DLG2: variants seen among roughly 807,000 people sequenced by gnomAD.
DLG2 encodes disks large homolog 2.
A neutral mutation model predicts 132.5 loss-of-function variants in DLG2; 45 were observed. That is an observed-to-expected ratio of 0.34 (90% confidence interval 0.27 to 0.44). The LOEUF (loss-of-function observed/expected upper bound fraction) is 0.44. Among genes scored for constraint, DLG2 ranks in the 20% least tolerant of loss-of-function variants. DLG2 has a pLI of 1.00. For synonymous variants in DLG2, 424 were observed against 419.6 expected, an observed-to-expected ratio of 1.01 and a Z score of -0.13; for missense variants, 1,045 against 1,196.9, an observed-to-expected ratio of 0.87 and a Z score of 1.87.
chr11:85,315,213 A>C (rs1439131848), intron 3 of DLG2, among the ~76,000 whole-genome samples: 1 of 152,010 alleles, frequency 6.6e-6, no homozygotes, highest in Non-Finnish European at 1.5e-5. Flanking sequence ...CAGCTTCCCC[A>C]TGTGCTTTTT....
At chr11:83,466,602 G>A in intron 26 of DLG2, 106 bp downstream of exon 26, 1 of 600,310 alleles carries the variant, frequency 1.7e-6, no homozygotes, top group Non-Finnish European at 3.0e-6. Flanking sequence ...ATCAACAATG[G>A]CATTTCCCAT....
intron 6 of DLG2, among the ~76,000 whole-genome samples, chr11:84,751,450 G>A (rs1054823702): frequency 6.6e-6 from 1 of 152,050 alleles, no homozygotes; most frequent in African/African-American, 2.4e-5. Flanking sequence ...ATTTAGGAGT[G>A]CAAAGGCCAG....
chr11:85,269,598 T>C lies in DLG2; in HGVS notation c.186+15622A>G, dbSNP rs568232747. Among the ~76,000 whole-genome samples the C allele has an allele frequency of 1.1e-4, 16 of 152,320 alleles. 2 individuals carry two copies. The South Asian group carries it at 3.3e-3, about 32-fold the overall frequency. Reference sequence around the variant, plus strand: ...GGTTCTTGAGAGAATAATGAGACTGTATATGTAAGAAGCTTGGCATACTGT... The same window carrying C: ...GGTTCTTGAGAGAATAATGAGACTGCATATGTAAGAAGCTTGGCATACTGT... On this transcript the variant is annotated intron_variant, in intron 4 of 27. Coordinates refer to ENST00000376104, the MANE Select transcript of DLG2 (RefSeq NM_001142699.3).
intron 3 of DLG2, among the ~76,000 whole-genome samples, chr11:85,375,070 T>C (rs1014457660): frequency 6.6e-5 from 10 of 152,094 alleles, no homozygotes; most frequent in Admixed American, 3.9e-4. Context: ...TCTTTTTTTT[T>C]CCCTTTGTTC....
At chr11:84,558,764 T>C (rs2099417103) in intron 6 of DLG2, among the ~76,000 whole-genome samples, 1 of 152,196 alleles carries the variant, frequency 6.6e-6, no homozygotes, top group Non-Finnish European at 1.5e-5. Flanking sequence ...TGTGTATAAC[T>C]CATAGTTCAC....
At chr11:84,353,044 A>G (rs2098589373) in intron 7 of DLG2, among the ~76,000 whole-genome samples, 1 of 152,138 alleles carries the variant, frequency 6.6e-6, no homozygotes, top group East Asian at 1.9e-4. Context: ...GTGTTCAAAT[A>G]TCTGTTCCAC....
chr11:85,104,140 A>T (rs1474126946), intron 6 of DLG2, among the ~76,000 whole-genome samples: 1 of 151,952 alleles, frequency 6.6e-6, no homozygotes, highest in East Asian at 1.9e-4. Context: ...ATGTTATGGG[A>T]AACAGTTTGA....
chr11:83,728,944 TTTTC>T (rs1461952325), intron 18 of DLG2, among the ~76,000 whole-genome samples: 5 of 152,208 alleles, frequency 3.3e-5, no homozygotes, highest in Non-Finnish European at 7.3e-5. Context: ...CCTGTTTTAT[TTTTC>T]TTTCTTTTTT....
chr11:84,731,367 C>G (rs1045686949), intron 6 of DLG2, among the ~76,000 whole-genome samples: 1 of 151,868 alleles, frequency 6.6e-6, no homozygotes, highest in African/African-American at 2.4e-5. Flanking sequence ...AGATTACAAA[C>G]CAATGGAGAA....
intron 4 of DLG2, among the ~76,000 whole-genome samples, chr11:85,215,534 T>C (rs190512295): frequency 1.5e-4 from 23 of 152,272 alleles, no homozygotes; most frequent in African/African-American, 4.8e-4. Flanking sequence ...CCTCACCTTT[T>C]CTACAAGGAA....
intron 9 of DLG2, among the ~76,000 whole-genome samples, chr11:84,158,318 C>T (rs920605542): frequency 6.6e-6 from 1 of 152,164 alleles, no homozygotes; most frequent in Non-Finnish European, 1.5e-5. Flanking sequence ...CCAGCTTGGC[C>T]TCCCAAAGGG....
At chr11:85,018,767 T>G (rs966891173) in intron 6 of DLG2, among the ~76,000 whole-genome samples, 4 of 151,880 alleles carry the variant, frequency 2.6e-5, no homozygotes, top group Admixed American at 6.6e-5. Context: ...ATGAAAAATT[T>G]TATTCCATAG....
intron 12 of DLG2, among the ~76,000 whole-genome samples, chr11:83,975,755 GAC>G (rs2092113184): frequency 6.6e-6 from 1 of 151,920 alleles, no homozygotes; most frequent in African/African-American, 2.4e-5. Flanking sequence ...GAAGTGGAAA[GAC>G]ATAGCTCTTT....
chr11:84,098,791 C>T (rs2092114892), intron 10 of DLG2, 132 bp downstream of exon 10: 1 of 1,052,302 alleles, frequency 9.5e-7, no homozygotes, highest in Non-Finnish European at 1.4e-6. Context: ...AAAGTCATTT[C>T]AGGAAGCTTG....
At chr11:84,070,995 G>A (rs1262729283) in intron 10 of DLG2, among the ~76,000 whole-genome samples, 12 of 152,106 alleles carry the variant, frequency 7.9e-5, no homozygotes, top group Admixed American at 7.9e-4. Context: ...CACCAGAAAG[G>A]GAGGAGTGTT....
intron 9 of DLG2, among the ~76,000 whole-genome samples, chr11:84,154,848 A>G (rs1373726376): frequency 6.6e-6 from 1 of 152,188 alleles, no homozygotes. Flanking sequence ...TGATGGCTGC[A>G]TAGTATTCCA....
At chr11:84,092,680 T>C (rs2097109711) in intron 10 of DLG2, among the ~76,000 whole-genome samples, 1 of 152,160 alleles carries the variant, frequency 6.6e-6, no homozygotes, top group South Asian at 2.1e-4. Flanking sequence ...TTGGCTATGA[T>C]TTCGCACACA....
At chr11:84,756,241 G>T (rs17147547) in intron 6 of DLG2, among the ~76,000 whole-genome samples, 2 of 152,138 alleles carry the variant, frequency 1.3e-5, no homozygotes, top group African/African-American at 4.8e-5. Flanking sequence ...TTATAGCAGC[G>T]TAGGAGAAAG....
intron 11 of DLG2, among the ~76,000 whole-genome samples, chr11:84,021,222 T>C (rs2095380529): frequency 6.6e-6 from 1 of 152,132 alleles, no homozygotes; most frequent in Non-Finnish European, 1.5e-5. Context: ...GTTATTCTCA[T>C]CTTACAGAAA....
Sources: gnomAD v4.1 joint callset for allele counts (sites outside exome capture counted in the v4.1 genomes callset) on GRCh38, gnomAD v4.1.1 for gene constraint, MANE v1.5 for transcripts, NCBI Gene and HGNC (gene_info 2026-07-23, HGNC 2026-07-21) for gene names.